OSCP1: variants seen among roughly 807,000 people sequenced by gnomAD.
The protein encoded by OSCP1 is organic solute carrier partner 1, also known as protein OSCP1.
In OSCP1, 35 loss-of-function variants were observed where a neutral mutation model predicts 45.1. The observed-to-expected ratio is 0.78, with a 90% confidence interval of 0.59 to 1.03. The LOEUF (loss-of-function observed/expected upper bound fraction) is 1.03. Ranked by LOEUF, OSCP1 falls within the 50% of genes least tolerant of loss-of-function variation. OSCP1 has a pLI of 0.00. For synonymous variants in OSCP1, 179 were observed against 180.1 expected, an observed-to-expected ratio of 0.99 and a Z score of 0.05; for missense variants, 400 against 470.7, an observed-to-expected ratio of 0.85 and a Z score of 1.39.
At chr1:36,423,027 TAATA>T (rs1647747586) in intron 5 of OSCP1, 131 bp from the exon 6 acceptor site, 2 of 467,788 alleles carry the variant, frequency 4.3e-6, no homozygotes, top group Non-Finnish European at 6.6e-6. Flanking sequence ...CTGGTTGTAA[TAATA>T]ATAATAATAA....
chr1:36,437,953 T>C (rs1457149390), intron 2 of OSCP1, among the ~76,000 whole-genome samples: 1 of 152,112 alleles, frequency 6.6e-6, no homozygotes, highest in Non-Finnish European at 1.5e-5. Context: ...GGCAGGAAGA[T>C]CACTTGAGCC....
At chr1:36,428,004 G>A (rs896038098) in intron 4 of OSCP1, among the ~76,000 whole-genome samples, 9 of 151,426 alleles carry the variant, frequency 5.9e-5, no homozygotes, top group Admixed American at 2.6e-4. Context: ...TCTGGCCAAC[G>A]TGGTTAAACC....
At chr1:36,433,774 C>T (rs967126879) in intron 2 of OSCP1, among the ~76,000 whole-genome samples, 2 of 152,044 alleles carry the variant, frequency 1.3e-5, no homozygotes, top group East Asian at 1.9e-4. Flanking sequence ...GGTGACTGAA[C>T]GAGATCTGGC....
At chr1:36,441,788 T>C (rs1649189636) in intron 1 of OSCP1, among the ~76,000 whole-genome samples, 1 of 151,572 alleles carries the variant, frequency 6.6e-6, no homozygotes, top group South Asian at 2.1e-4. Flanking sequence ...TTGTTTTTTA[T>C]TTTTTTCCCT....
intron 4 of OSCP1, among the ~76,000 whole-genome samples, chr1:36,427,072 C>T (rs1368919808): frequency 6.6e-6 from 1 of 151,072 alleles, no homozygotes; most frequent in Non-Finnish European, 1.5e-5. Context: ...ATGATCTCGG[C>T]TTACTGCAAC....
Position 36,418,055 on chromosome 1 carries a change from C to A in OSCP1, c.*84G>T. 1 of 1,041,540 alleles carries A rather than the reference C, an allele frequency of 9.6e-7. No individual in the cohort carries two copies. The highest frequency in any genetic ancestry group is 1.4e-5 in the South Asian group (1 of 69,970). 64.5% of individuals were successfully genotyped at this position (1,041,540 alleles called of 1,614,324 possible). A position where few individuals can be genotyped will look rare whatever the true frequency, so the allele number is the denominator to read the frequency against. On this transcript the variant is annotated 3_prime_UTR_variant, in exon 10 of 10. Transcript: ENST00000235532. ...GCTTCACTCAGTAGAAAACTAGCAGCATCATTCTGGGCCATGGGGCATTCC... is the reference window on the plus strand; with the variant it reads ...GCTTCACTCAGTAGAAAACTAGCAGAATCATTCTGGGCCATGGGGCATTCC...
At chr1:36,422,451 C>T (rs1223905472) in intron 6 of OSCP1, among the ~76,000 whole-genome samples, 2 of 152,160 alleles carry the variant, frequency 1.3e-5, no homozygotes, top group African/African-American at 2.4e-5. Flanking sequence ...AAGAGTAACA[C>T]GCATCACTGA....
intron 4 of OSCP1, chr1:36,428,592 AT>A (rs1648138449): frequency 2.3e-6 from 3 of 1,291,702 alleles, no homozygotes; most frequent in Non-Finnish European, 3.1e-6. Context: ...AAGAGAAGTT[AT>A]TTTGCCCAAG....
intron 1 of OSCP1, among the ~76,000 whole-genome samples, chr1:36,439,310 C>G (rs1460710245): frequency 6.6e-6 from 1 of 152,032 alleles, no homozygotes; most frequent in Non-Finnish European, 1.5e-5. Context: ...CACTTGATGC[C>G]AGGAGTTTGA....
chr1:36,438,541 C>T (rs1338184379), intron 2 of OSCP1, among the ~76,000 whole-genome samples: 1 of 152,122 alleles, frequency 6.6e-6, no homozygotes, highest in African/African-American at 2.4e-5. Context: ...CCAGCACTCT[C>T]TTTGGGCAGG....
At position 36,447,190 on chromosome 1, in the gene OSCP1, T is replaced by C. The variant is rs16823006; in HGVS notation, c.112+3068A>G. 0.1 allele frequency among the ~76,000 whole-genome samples: 15,652 copies of C among 152,256 alleles called. 956 individuals carry two copies. The highest frequency in any genetic ancestry group is 0.29 in the East Asian group (1,525 of 5,180). ...TCTGTTACAGGGGCTCTCGCTCCTG[T>C]GGCCACAACAACTTTAAATGGTGGA... On this transcript the variant is annotated intron_variant, in intron 1 of 9. Coordinates refer to ENST00000235532, the MANE Select transcript of OSCP1 (RefSeq NM_145047.5). The surrounding 1 kb of genome is among the most constrained non-coding windows in gnomAD (Gnocchi z 4.1).
intron 2 of OSCP1, among the ~76,000 whole-genome samples, chr1:36,435,155 C>T (rs1471384501): frequency 2.1e-5 from 3 of 140,830 alleles, no homozygotes; most frequent in Non-Finnish European, 3.0e-5. Context: ...AGTACAGTGG[C>T]GTGAACACAG....
chr1:36,438,046 G>A (rs1408532737), intron 2 of OSCP1, among the ~76,000 whole-genome samples: 2 of 151,968 alleles, frequency 1.3e-5, no homozygotes, highest in African/African-American at 2.4e-5. Flanking sequence ...GGCCAGGCGC[G>A]GTGGCTCATG....
At chr1:36,431,699 C>A in intron 4 of OSCP1, 103 bp downstream of exon 4, 1 of 1,110,266 alleles carries the variant, frequency 9.0e-7, no homozygotes, top group Non-Finnish European at 1.3e-6. Flanking sequence ...GAGGACATCA[C>A]TAACTGGGCA....
chr1:36,436,520 C>T (rs1448022733), intron 2 of OSCP1, among the ~76,000 whole-genome samples: 1 of 152,106 alleles, frequency 6.6e-6, no homozygotes, highest in East Asian at 1.9e-4. Context: ...GGATTACAGG[C>T]ATACGCCATT....
chr1:36,430,247 C>T (rs1252486906), intron 4 of OSCP1, among the ~76,000 whole-genome samples: 1 of 151,452 alleles, frequency 6.6e-6, no homozygotes, highest in East Asian at 2.0e-4. Flanking sequence ...TGTCATGTTG[C>T]CCAGGCTGGT....
chr1:36,419,513 A>G (rs1647483272), intron 8 of OSCP1, among the ~76,000 whole-genome samples: 2 of 152,224 alleles, frequency 1.3e-5, no homozygotes. Context: ...ACAGAATTAA[A>G]CAAAAGAAGT....
At chr1:36,422,993 A>G (rs1165866742) in intron 5 of OSCP1, 97 bp from the exon 6 acceptor site, 3 of 946,610 alleles carry the variant, frequency 3.2e-6, no homozygotes, top group Non-Finnish European at 4.4e-6. Context: ...AAAGGAATAC[A>G]TGCTCTCCTT....
intron 8 of OSCP1, among the ~76,000 whole-genome samples, chr1:36,420,068 C>T (rs960237572): frequency 2.6e-5 from 4 of 151,022 alleles, no homozygotes; most frequent in African/African-American, 9.8e-5. Context: ...CTCTGCCTCC[C>T]GGGTTCAAGT....
Sources: gnomAD v4.1 joint callset for allele counts (sites outside exome capture counted in the v4.1 genomes callset) on GRCh38, gnomAD v4.1.1 for gene constraint, Gnocchi (gnomAD v3.1) non-coding constraint, MANE v1.5 for transcripts, NCBI Gene and HGNC (gene_info 2026-07-23, HGNC 2026-07-21) for gene names.